Variants in MARCHF7 observed in about 807,000 individuals in gnomAD.
MARCHF7 encodes the protein E3 ubiquitin-protein ligase MARCHF7.
In MARCHF7, 20 loss-of-function variants were observed where a neutral mutation model predicts 76.5. The ratio of observed to expected loss-of-function variants is 0.26; its 90% CI spans 0.18 to 0.38. The LOEUF (loss-of-function observed/expected upper bound fraction) is 0.38. Among genes scored for constraint, MARCHF7 ranks in the 10% least tolerant of loss-of-function variants. The probability of loss-of-function intolerance (pLI) is 1.00; values close to 1 mark genes in which losing one functional copy is unlikely to be tolerated. For missense variants in MARCHF7, 797 were observed against 812.9 expected (o/e 0.98, Z 0.24); for synonymous variants, 295 against 293.0 (o/e 1.01, Z -0.07).
intron 4 of MARCHF7, 56 bp downstream of exon 4, chr2:159,729,231 A>G (rs1702499900): frequency 1.6e-6 from 2 of 1,259,868 alleles, no homozygotes; most frequent in Admixed American, 5.3e-5. Flanking sequence ...CCCTAGGGCC[A>G]CTCTTTTGGG....
chr2:159,716,383 A>T (rs1701040237), intron 3 of MARCHF7, among the ~76,000 whole-genome samples: 1 of 151,928 alleles, frequency 6.6e-6, no homozygotes, highest in Non-Finnish European at 1.5e-5. Context: ...ATGGTGGCTC[A>T]CTCCTGTAAT....
In MARCHF7 at chr2:159,759,207, G is replaced by T; in HGVS notation, c.1784-19G>T. On this transcript the variant is annotated intron_variant, in intron 8 of 11. Transcript: ENST00000409175. The stretch of plus-strand genomic sequence containing the variant: ...GACATTATAAAACTAAGCTTTATTT[G>T]TAATTTAATTTTTACCAGGTTCTTC... 1 of 1,365,240 alleles carries T rather than the reference G, an allele frequency of 7.3e-7. No individual in the cohort carries two copies. Among genetic ancestry groups the T allele is most frequent in the Non-Finnish European group, 1.0e-6 (1 of 968,842 alleles). The allele number at this position is 1,365,240 out of a possible 1,614,324, so 84.6% of individuals were successfully genotyped here. A position where few individuals can be genotyped will look rare whatever the true frequency, so the allele number is the denominator to read the frequency against.
In MARCHF7 at chr2:159,729,151, A is replaced by G; in HGVS notation, c.129A>G (p.Ser43=). 3 of 1,600,238 alleles carry G rather than the reference A, an allele frequency of 1.9e-6. No homozygotes were observed. Among genetic ancestry groups the G allele is most frequent in the Non-Finnish European group, 2.6e-6 (3 of 1,175,630 alleles). The change falls in exon 4 of 12, where the codon TCA becomes TCG. Residue 43 remains serine, a synonymous_variant. Transcript: ENST00000409175. The part of the protein sequence containing the change: ...LNDTYHSRDS[S]FRLDSEYQST... The stretch of plus-strand genomic sequence containing the variant: ...ATACCTATCACTCAAGAGACTCTTC[A>G]TTTAGATTGGATTCTGAATATCAGG...
intron 8 of MARCHF7, among the ~76,000 whole-genome samples, chr2:159,758,898 G>A (rs1247792447): frequency 6.6e-6 from 1 of 152,170 alleles, no homozygotes; most frequent in East Asian, 1.9e-4. Context: ...AGTACTTAAG[G>A]AGGAAGTAGG....
intron 3 of MARCHF7, among the ~76,000 whole-genome samples, chr2:159,728,567 G>T (rs1193741684): frequency 6.6e-6 from 1 of 152,138 alleles, no homozygotes; most frequent in Non-Finnish European, 1.5e-5. Flanking sequence ...CCAAGAATTG[G>T]GTGGGGAATG....
At chr2:159,736,036 A>G (rs374300577) in intron 4 of MARCHF7, among the ~76,000 whole-genome samples, 28 of 152,332 alleles carry the variant, frequency 1.8e-4, no homozygotes, top group African/African-American at 5.1e-4. Flanking sequence ...CTGAGGTGGA[A>G]GGATCCCTTA....
At chr2:159,762,215 G>A (rs1707197811) in intron 9 of MARCHF7, among the ~76,000 whole-genome samples, 1 of 152,108 alleles carries the variant, frequency 6.6e-6, no homozygotes, top group African/African-American at 2.4e-5. Context: ...TTAAAAATTT[G>A]AGCCTTTCTT....
At chr2:159,717,939 A>G (rs1236563362) in intron 3 of MARCHF7, among the ~76,000 whole-genome samples, 5 of 152,346 alleles carry the variant, frequency 3.3e-5, no homozygotes, top group Middle Eastern at 3.4e-3. Flanking sequence ...ATGACTTTGA[A>G]AGATGTTTTA....
At chr2:159,714,079 A>G (rs1302046068) in intron 1 of MARCHF7, among the ~76,000 whole-genome samples, 3 of 152,216 alleles carry the variant, frequency 2.0e-5, no homozygotes, top group Non-Finnish European at 4.4e-5. Flanking sequence ...GTGTCAGGTA[A>G]CGAACTTGGA....
intron 4 of MARCHF7, chr2:159,733,746 T>A (rs1381288807): frequency 3.0e-6 from 3 of 985,250 alleles, no homozygotes; most frequent in Admixed American, 1.2e-4. Context: ...TTATAGAACA[T>A]TTTTTACTTC....
intron 10 of MARCHF7, among the ~76,000 whole-genome samples, chr2:159,764,209 GT>G (rs904348002): frequency 1.2e-4 from 14 of 113,136 alleles, no homozygotes; most frequent in African/African-American, 4.8e-4. Context: ...GTTCTTGGGA[GT>G]TTTGTGTGTG....
chr2:159,722,233 C>T (rs1297180569), intron 3 of MARCHF7, among the ~76,000 whole-genome samples: 1 of 152,006 alleles, frequency 6.6e-6, no homozygotes, highest in Non-Finnish European at 1.5e-5. Context: ...ACCTCCCGGG[C>T]TTCAAGTGAT....
At chr2:159,718,770 A>G (rs766600340) in intron 3 of MARCHF7, among the ~76,000 whole-genome samples, 1 of 152,090 alleles carries the variant, frequency 6.6e-6, no homozygotes, top group African/African-American at 2.4e-5. Flanking sequence ...AAGTTTTTCA[A>G]TTTACTTTTT....
intron 11 of MARCHF7, among the ~76,000 whole-genome samples, chr2:159,765,682 TA>T (rs2125758212): frequency 6.6e-6 from 1 of 152,320 alleles, no homozygotes; most frequent in South Asian, 2.1e-4. Context: ...TTAGTCCTCA[TA>T]GGAACTTTTT....
intron 9 of MARCHF7, among the ~76,000 whole-genome samples, chr2:159,762,517 T>C (rs1460751562): frequency 6.6e-6 from 1 of 152,224 alleles, no homozygotes; most frequent in Admixed American, 6.5e-5. Flanking sequence ...AGCAGTATAT[T>C]GGCATAGCTA....
intron 3 of MARCHF7, among the ~76,000 whole-genome samples, chr2:159,725,652 G>T (rs1702081307): frequency 6.6e-6 from 1 of 152,142 alleles, no homozygotes; most frequent in Admixed American, 6.5e-5. Context: ...TGTGAGGATA[G>T]AAATAAGCCC....
intron 10 of MARCHF7, among the ~76,000 whole-genome samples, chr2:159,763,259 G>T (rs1447874155): frequency 6.6e-6 from 1 of 152,086 alleles, no homozygotes; most frequent in Non-Finnish European, 1.5e-5. Flanking sequence ...TTGAAAAACA[G>T]AATTGGAAAC....
At chr2:159,746,041 C>A in intron 6 of MARCHF7, 104 bp downstream of exon 6, 1 of 867,802 alleles carries the variant, frequency 1.2e-6, no homozygotes, top group Non-Finnish European at 1.7e-6. Flanking sequence ...TATATTTTGT[C>A]TTATGAAGAT....
At chr2:159,742,312 C>T (rs1477828059) in intron 4 of MARCHF7, among the ~76,000 whole-genome samples, 4 of 151,348 alleles carry the variant, frequency 2.6e-5, no homozygotes, top group Non-Finnish European at 5.9e-5. Flanking sequence ...GGAGACTAGG[C>T]ATCAGAACAA....
Sources: allele counts gnomAD v4.1 joint callset (sites outside exome capture counted in the v4.1 genomes callset), GRCh38; gene constraint gnomAD v4.1.1; transcripts MANE v1.5; gene names NCBI Gene and HGNC (gene_info 2026-07-23, HGNC 2026-07-21).